GRID2: variants seen among roughly 807,000 people sequenced by gnomAD.
GRID2 encodes the protein glutamate ionotropic receptor delta type subunit 2.
A neutral mutation model predicts 114.8 loss-of-function variants in GRID2; 33 were observed. The observed-to-expected ratio is 0.29, with a 90% CI of 0.22 to 0.38. GRID2 has a LOEUF of 0.38. Ranked by LOEUF, GRID2 falls within the 10% of genes least tolerant of loss-of-function variation. GRID2 has a pLI of 1.00. For synonymous variants in GRID2, 505 were observed against 449.9 expected (o/e 1.12, Z -1.55); for missense variants, 1,184 against 1,257.7 (o/e 0.94, Z 0.89).
intron 13 of GRID2, among the ~76,000 whole-genome samples, chr4:93,520,138 G>A (rs1436179566): frequency 6.6e-6 from 1 of 152,100 alleles, no homozygotes; most frequent in African/African-American, 2.4e-5. Context: ...AAAATTCAGT[G>A]GACTTGAACC....
intron 1 of GRID2, among the ~76,000 whole-genome samples, chr4:92,446,418 A>T (rs1448500720): frequency 6.6e-6 from 1 of 152,212 alleles, no homozygotes; most frequent in Non-Finnish European, 1.5e-5. Flanking sequence ...GAGAAGAGAG[A>T]GCAGAAAGTG....
At chr4:93,426,498 TAAA>T (rs1010296271) in intron 10 of GRID2, among the ~76,000 whole-genome samples, 90 of 152,262 alleles carry the variant, frequency 5.9e-4, no homozygotes, top group African/African-American at 2.1e-3. Context: ...AAATTAAACA[TAAA>T]AAGCATTCAA....
At chr4:93,321,205 T>C (rs1451878405) in intron 8 of GRID2, among the ~76,000 whole-genome samples, 1 of 152,030 alleles carries the variant, frequency 6.6e-6, no homozygotes, top group Non-Finnish European at 1.5e-5. Context: ...GAATAAGATT[T>C]TTAATCCTGA....
intron 1 of GRID2, among the ~76,000 whole-genome samples, chr4:92,464,310 C>T (rs369079196): frequency 2.0e-5 from 3 of 151,962 alleles, no homozygotes; most frequent in Non-Finnish European, 1.5e-5. Context: ...TTTTTACTAC[C>T]GTTCTTTTCC....
At chr4:93,369,692 T>A (rs1389644249) in intron 8 of GRID2, among the ~76,000 whole-genome samples, 1 of 152,142 alleles carries the variant, frequency 6.6e-6, no homozygotes, top group East Asian at 1.9e-4. Context: ...TCTCTCTGTG[T>A]TGACCAGGCT....
intron 14 of GRID2, among the ~76,000 whole-genome samples, chr4:93,697,548 TATC>T (rs1415075186): frequency 6.6e-6 from 1 of 152,038 alleles, no homozygotes; most frequent in Non-Finnish European, 1.5e-5. Flanking sequence ...AAAAATCAAT[TATC>T]ATCCATATTT....
chr4:93,786,936 C>T (rs1235990272), intron 1 of GRID2, among the ~76,000 whole-genome samples: 2 of 152,040 alleles, frequency 1.3e-5, no homozygotes, highest in Non-Finnish European at 2.9e-5. Context: ...TCAATTTTAA[C>T]GGGGTGTCCC....
chr4:92,797,683 C>A (rs532522545), intron 2 of GRID2, among the ~76,000 whole-genome samples: 370 of 151,790 alleles, frequency 2.4e-3, no homozygotes, highest in Non-Finnish European at 4.4e-3. Flanking sequence ...ACATATCTAA[C>A]TTTTTCTTTT....
At chr4:93,601,608 A>G (rs931778231) in intron 13 of GRID2, among the ~76,000 whole-genome samples, 1 of 152,210 alleles carries the variant, frequency 6.6e-6, no homozygotes, top group African/African-American at 2.4e-5. Context: ...GCCAACCAAG[A>G]CACAGGTTTC....
At chr4:93,744,227 T>A (rs955638983) in intron 14 of GRID2, among the ~76,000 whole-genome samples, 2 of 152,236 alleles carry the variant, frequency 1.3e-5, no homozygotes, top group African/African-American at 4.8e-5. Context: ...ACACATTTAT[T>A]CTGTGGCCCA....
intron 2 of GRID2, among the ~76,000 whole-genome samples, chr4:92,666,660 T>TG (rs1351385138): frequency 2.7e-5 from 4 of 148,126 alleles, no homozygotes; most frequent in African/African-American, 9.9e-5. Context: ...GTTTTTTTTT[T>TG]TTTTTTTTTT....
At chr4:92,938,217 C>CT (rs1750813579) in intron 2 of GRID2, among the ~76,000 whole-genome samples, 1 of 146,250 alleles carries the variant, frequency 6.8e-6, no homozygotes, top group African/African-American at 2.4e-5. Flanking sequence ...ATATAGGATC[C>CT]TTTTAATATG....
chr4:93,384,846 A>G (rs1382504693), intron 8 of GRID2, among the ~76,000 whole-genome samples: 1 of 152,166 alleles, frequency 6.6e-6, no homozygotes, highest in Non-Finnish European at 1.5e-5. Context: ...GGTTATAGCT[A>G]AGAGTTGTGA....
intron 12 of GRID2, among the ~76,000 whole-genome samples, chr4:93,496,584 G>A (rs1727570129): frequency 1.3e-5 from 2 of 151,694 alleles, no homozygotes; most frequent in Admixed American, 6.6e-5. Context: ...CCCCATTTCT[G>A]TAAGTTTTGC....
At chr4:93,689,834 A>T (rs1726389153) in intron 14 of GRID2, among the ~76,000 whole-genome samples, 1 of 152,112 alleles carries the variant, frequency 6.6e-6, no homozygotes, top group Non-Finnish European at 1.5e-5. Flanking sequence ...AAATATTCAA[A>T]TTCAGAATTC....
intron 2 of GRID2, among the ~76,000 whole-genome samples, chr4:93,061,392 G>A (rs1253821498): frequency 6.6e-6 from 1 of 151,662 alleles, no homozygotes; most frequent in Non-Finnish European, 1.5e-5. Context: ...GATAGTAGAC[G>A]TACCAGAGAC....
chr4:92,743,773 A>G (rs552952709), intron 2 of GRID2, among the ~76,000 whole-genome samples: 4 of 152,278 alleles, frequency 2.6e-5, no homozygotes, highest in African/African-American at 4.8e-5. Flanking sequence ...GGCTACTTGT[A>G]TCTCATCTGC....
At chr4:92,944,763 T>C (rs1751490617) in intron 2 of GRID2, among the ~76,000 whole-genome samples, 1 of 152,366 alleles carries the variant, frequency 6.6e-6, no homozygotes, top group South Asian at 2.1e-4. Context: ...CTAACAGTTA[T>C]TTTATTTGTA....
intron 1 of GRID2, among the ~76,000 whole-genome samples, chr4:92,315,359 A>G (rs1021519743): frequency 2.0e-5 from 3 of 152,170 alleles, no homozygotes; most frequent in African/African-American, 4.8e-5. Flanking sequence ...TAGGAGTCTT[A>G]TAGTTTGAGA....
Sources: gnomAD v4.1 joint callset for allele counts (sites outside exome capture counted in the v4.1 genomes callset) on GRCh38, gnomAD v4.1.1 for gene constraint, MANE v1.5 for transcripts, NCBI Gene and HGNC (gene_info 2026-07-23, HGNC 2026-07-21) for gene names.